Variants in NUBPL observed in about 807,000 individuals in gnomAD.
The protein encoded by NUBPL is NUBP iron-sulfur cluster assembly factor, mitochondrial.
A neutral mutation model predicts 45.7 loss-of-function variants in NUBPL; 31 were observed. That is an observed-to-expected ratio of 0.68 (90% CI 0.51 to 0.92). The LOEUF is 0.92. NUBPL is among the 40% of genes least tolerant of loss of function. The pLI, the probability that NUBPL is intolerant of heterozygous loss-of-function variation, is 0.00. For missense variants in NUBPL, 401 were observed against 398.7 expected (o/e 1.01, Z -0.05); for synonymous variants, 144 against 140.9 (o/e 1.02, Z -0.15).
At chr14:31,719,767 G>A (rs2037768357) in intron 6 of NUBPL, among the ~76,000 whole-genome samples, 2 of 152,118 alleles carry the variant, frequency 1.3e-5, no homozygotes, top group Non-Finnish European at 1.5e-5. Context: ...CATGATCAAA[G>A]TAAGCCACTA....
At chr14:31,762,792 T>TC (rs397852733) in intron 6 of NUBPL, among the ~76,000 whole-genome samples, 2 of 151,902 alleles carry the variant, frequency 1.3e-5, no homozygotes, top group Non-Finnish European at 2.9e-5. Context: ...CTTTTTTTTT[T>TC]CTAATGAAAA....
chr14:31,764,553 A>G (rs183869788), intron 6 of NUBPL, among the ~76,000 whole-genome samples: 46 of 152,342 alleles, frequency 3.0e-4, no homozygotes, highest in Admixed American at 7.8e-4. Context: ...CTGTAATATA[A>G]GATAAATATG....
chr14:31,623,669 G>GTCA (rs1409445840), intron 4 of NUBPL, among the ~76,000 whole-genome samples: 2 of 152,156 alleles, frequency 1.3e-5, no homozygotes, highest in African/African-American at 4.8e-5. Context: ...GGCCTGTCCA[G>GTCA]TCACACAGAA....
At chr14:31,644,702 T>C (rs548560548) in intron 4 of NUBPL, among the ~76,000 whole-genome samples, 1 of 151,340 alleles carries the variant, frequency 6.6e-6, no homozygotes, top group East Asian at 1.9e-4. Context: ...CTGATGTTTG[T>C]GAATTTTTTG....
At chr14:31,599,489 T>C in intron 4 of NUBPL, 110 bp downstream of exon 4, 1 of 749,048 alleles carries the variant, frequency 1.3e-6, no homozygotes, top group Non-Finnish European at 2.2e-6. Context: ...CAATGTAGTG[T>C]AAGTCCTCAC....
rs528157449 is a variant in NUBPL at position 31,612,742 on chromosome 14, C to T, written c.382+13363C>T. 3.3e-5 allele frequency among the ~76,000 whole-genome samples: 5 copies of T among 152,214 alleles called. No individual in the cohort carries two copies. The East Asian group carries it at 7.7e-4, about 23-fold the overall frequency. The stretch of plus-strand genomic sequence containing the variant: ...ATCAGAGAAATGCAAATCAAAACTC[C>T]AGTGAGATATCATCTCCCTTTAGTT... On this transcript the variant is annotated intron_variant, in intron 4 of 10. Transcript: ENST00000281081.
At chr14:31,706,412 G>A (rs994559812) in intron 6 of NUBPL, among the ~76,000 whole-genome samples, 1 of 152,184 alleles carries the variant, frequency 6.6e-6, no homozygotes, top group Non-Finnish European at 1.5e-5. Context: ...AAACAAATTT[G>A]ACAAGAAGGT....
chr14:31,715,762 T>C (rs1208717796), intron 6 of NUBPL, among the ~76,000 whole-genome samples: 1 of 152,216 alleles, frequency 6.6e-6, no homozygotes, highest in African/African-American at 2.4e-5. Context: ...TACACTACTG[T>C]AGACTTTATA....
At chr14:31,757,144 A>G (rs977355189) in intron 6 of NUBPL, among the ~76,000 whole-genome samples, 1 of 143,984 alleles carries the variant, frequency 6.9e-6, no homozygotes, top group Non-Finnish European at 1.5e-5. Flanking sequence ...TTCATCAAGG[A>G]TATTGGTCTA....
chr14:31,705,705 A>G (rs1051412251), intron 6 of NUBPL, among the ~76,000 whole-genome samples: 1 of 151,872 alleles, frequency 6.6e-6, no homozygotes, highest in Non-Finnish European at 1.5e-5. Context: ...TGATTGGTGC[A>G]TTTACAAACC....
chr14:31,804,680 T>C (rs931378418), intron 7 of NUBPL, among the ~76,000 whole-genome samples: 2 of 152,102 alleles, frequency 1.3e-5, no homozygotes, highest in African/African-American at 4.8e-5. Context: ...AAACAAGCAA[T>C]GGGGAAAAGA....
intron 8 of NUBPL, among the ~76,000 whole-genome samples, chr14:31,840,675 T>C (rs908166327): frequency 6.6e-6 from 1 of 152,004 alleles, no homozygotes; most frequent in Non-Finnish European, 1.5e-5. Context: ...GAAAGACTAA[T>C]ACTTCATAAT....
chr14:31,605,132 A>G (rs2034550212), intron 4 of NUBPL, among the ~76,000 whole-genome samples: 1 of 152,180 alleles, frequency 6.6e-6, no homozygotes, highest in Non-Finnish European at 1.5e-5. Flanking sequence ...TTAGCTTTCC[A>G]AATAGTGTCA....
intron 6 of NUBPL, among the ~76,000 whole-genome samples, chr14:31,707,720 A>G (rs961850595): frequency 3.9e-5 from 6 of 152,218 alleles, no homozygotes; most frequent in African/African-American, 1.4e-4. Context: ...GCTATAGGAA[A>G]AGCTGGGCCT....
chr14:31,695,402 C>T (rs959248149), intron 6 of NUBPL, among the ~76,000 whole-genome samples: 1 of 148,190 alleles, frequency 6.7e-6, no homozygotes, highest in African/African-American at 2.5e-5. Flanking sequence ...AAAATTACTG[C>T]AACTTTTTAG....
Position 31,859,314 on chromosome 14 carries a change from A to C in NUBPL, c.*134A>C, listed in dbSNP as rs2040675671. 1.3e-6 allele frequency: 1 copy of C among 792,382 alleles called. No homozygotes were observed. Among genetic ancestry groups the C allele is most frequent in the Non-Finnish European group, 2.2e-6 (1 of 461,382 alleles). The allele number at this position is 792,382 out of a possible 1,614,324, so 49.1% of individuals were successfully genotyped here. ...ATTTCTAAGGAAAGAATGTCTTCATATTTGACTTGCTAAGCTAAGGTTCAC... is the reference window on the plus strand; with the variant it reads ...ATTTCTAAGGAAAGAATGTCTTCATCTTTGACTTGCTAAGCTAAGGTTCAC... On this transcript the variant is annotated 3_prime_UTR_variant, in exon 11 of 11. Transcript: ENST00000281081.
At chr14:31,824,844 A>C (rs934880198) in intron 7 of NUBPL, among the ~76,000 whole-genome samples, 1 of 152,122 alleles carries the variant, frequency 6.6e-6, no homozygotes, top group Non-Finnish European at 1.5e-5. Context: ...TTGTCACAGC[A>C]TTCTGTATTT....
At chr14:31,834,714 C>A (rs2040254062) in intron 8 of NUBPL, among the ~76,000 whole-genome samples, 1 of 152,178 alleles carries the variant, frequency 6.6e-6, no homozygotes, top group Admixed American at 6.5e-5. Flanking sequence ...AAATTAAACT[C>A]ATCTCTCACA....
intron 6 of NUBPL, among the ~76,000 whole-genome samples, chr14:31,677,042 TAA>T (rs1271836735): frequency 6.6e-6 from 1 of 152,112 alleles, no homozygotes; most frequent in Admixed American, 6.5e-5. Flanking sequence ...ATTCTTAATT[TAA>T]AAATTTTATG....
Sources: gnomAD v4.1 joint callset for allele counts (sites outside exome capture counted in the v4.1 genomes callset) on GRCh38, gnomAD v4.1.1 for gene constraint, MANE v1.5 for transcripts, NCBI Gene and HGNC (gene_info 2026-07-23, HGNC 2026-07-21) for gene names.